The following EYS variants were observed in gnomAD, a reference collection of about 807,000 sequenced individuals.
The protein encoded by EYS is EGF-like photoreceptor maintenance factor.
Under a neutral mutation model 282.1 loss-of-function variants are expected in EYS, and 250 were observed. The ratio of observed to expected loss-of-function variants is 0.89; its 90% CI spans 0.80 to 0.98. EYS has a LOEUF of 0.98. EYS is among the 50% of genes least tolerant of loss of function. The probability of loss-of-function intolerance (pLI) is 0.00; values close to 1 mark genes in which losing one functional copy is unlikely to be tolerated. For synonymous variants in EYS, 1,355 were observed against 1,282.9 expected (o/e 1.06, Z -1.20); for missense variants, 4,016 against 3,709.0 (o/e 1.08, Z -2.15).
At chr6:64,542,703 T>C (rs1764727980) in intron 26 of EYS, among the ~76,000 whole-genome samples, 2 of 152,064 alleles carry the variant, frequency 1.3e-5, no homozygotes, top group South Asian at 2.1e-4. Context: ...TAATAATTAA[T>C]TGTCTGATGT....
At chr6:64,133,651 T>G in intron 31 of EYS, among the ~76,000 whole-genome samples, 1 of 152,048 alleles carries the variant, frequency 6.6e-6, no homozygotes, top group Non-Finnish European at 1.5e-5. Flanking sequence ...ATTTTTACCA[T>G]TATTCAATTA....
chr6:64,067,344 A>G (rs1057500841), intron 32 of EYS, among the ~76,000 whole-genome samples: 2 of 152,148 alleles, frequency 1.3e-5, no homozygotes, highest in African/African-American at 4.8e-5. Flanking sequence ...AATTAAGGAA[A>G]GGACCATCAT....
At chr6:65,618,372 T>G (rs918892991) in intron 2 of EYS, among the ~76,000 whole-genome samples, 1 of 152,276 alleles carries the variant, frequency 6.6e-6, no homozygotes, top group South Asian at 2.1e-4. Context: ...TGTCTGTTCA[T>G]GTCCTTCGCC....
chr6:64,839,273 T>G (rs911855490), intron 19 of EYS, among the ~76,000 whole-genome samples: 3 of 152,044 alleles, frequency 2.0e-5, no homozygotes, highest in Non-Finnish European at 4.4e-5. Flanking sequence ...AGTCATTAGA[T>G]AATTATCAAT....
At chr6:64,305,388 T>A (rs1474274023) in intron 30 of EYS, among the ~76,000 whole-genome samples, 1 of 152,046 alleles carries the variant, frequency 6.6e-6, no homozygotes, top group Non-Finnish European at 1.5e-5. Context: ...ATAATCCACT[T>A]AAAATTCCTG....
rs183889302 is a variant in EYS at position 64,816,126 on chromosome 6, C to A, written c.3244-2549G>T. Among the ~76,000 whole-genome samples, 144 of 152,074 alleles carry A rather than the reference C, an allele frequency of 9.5e-4. 1 individual carries two copies. Among genetic ancestry groups the A allele is most frequent in the African/African-American group, 3.1e-3 (127 of 41,522 alleles). ...GTGGAATACTTTCCTCAATTAAGATCTTGGAGAAAGGGAAACAGATACAGA... is the reference window on the plus strand; with the variant it reads ...GTGGAATACTTTCCTCAATTAAGATATTGGAGAAAGGGAAACAGATACAGA... On this transcript the variant is annotated intron_variant, in intron 21 of 42. Coordinates refer to ENST00000503581, the MANE Select transcript of EYS (RefSeq NM_001142800.2).
At chr6:65,564,798 G>A (rs866678260) in intron 2 of EYS, among the ~76,000 whole-genome samples, 3 of 152,002 alleles carry the variant, frequency 2.0e-5, no homozygotes, top group Non-Finnish European at 1.5e-5. Flanking sequence ...AAACTAAAGA[G>A]CTTCTGCACA....
intron 31 of EYS, among the ~76,000 whole-genome samples, chr6:64,210,778 G>A (rs1048944538): frequency 1.3e-5 from 2 of 152,122 alleles, no homozygotes; most frequent in African/African-American, 2.4e-5. Context: ...AGAGGAGATT[G>A]GTGTGTGAAT....
At chr6:64,082,617 C>T (rs1562191252) in intron 31 of EYS, among the ~76,000 whole-genome samples, 1 of 151,978 alleles carries the variant, frequency 6.6e-6, no homozygotes, top group Non-Finnish European at 1.5e-5. Flanking sequence ...AACTGTCACA[C>T]AGAGGAATTT....
At position 65,621,496 on chromosome 6, in the gene EYS, A is replaced by G. The variant is rs1766492732; in HGVS notation, c.-333+18282T>C. Among the ~76,000 whole-genome samples, 3 of 149,094 alleles carry G rather than the reference A, an allele frequency of 2.0e-5. 1 individual carries two copies. The South Asian group carries it at 6.5e-4, about 32-fold the overall frequency. Reference sequence around the variant, plus strand: ...GAATACAGCACACTGATGGGTCTTGACTCTTTATCCAATTTGCCAGTCTGT... The same window carrying G: ...GAATACAGCACACTGATGGGTCTTGGCTCTTTATCCAATTTGCCAGTCTGT... On this transcript the variant is annotated intron_variant, in intron 2 of 42. Transcript: ENST00000503581.
intron 14 of EYS, among the ~76,000 whole-genome samples, chr6:64,958,883 G>GGT: frequency 1.3e-5 from 2 of 151,766 alleles, no homozygotes; most frequent in Non-Finnish European, 2.9e-5. Flanking sequence ...AAACATTACA[G>GGT]TTAGACACAC....
intron 35 of EYS, among the ~76,000 whole-genome samples, chr6:63,967,969 T>C (rs746286555): frequency 5.3e-5 from 8 of 152,158 alleles, no homozygotes; most frequent in Non-Finnish European, 1.0e-4. Flanking sequence ...GCAGAGTAAG[T>C]TAAAAAAATC....
At chr6:63,773,860 T>G (rs1188237961) in intron 40 of EYS, among the ~76,000 whole-genome samples, 2 of 152,172 alleles carry the variant, frequency 1.3e-5, no homozygotes, top group Non-Finnish European at 2.9e-5. Flanking sequence ...TAGGGGTTTG[T>G]AAACCTCTAA....
At chr6:65,173,349 C>T (rs750122982) in intron 12 of EYS, among the ~76,000 whole-genome samples, 3 of 151,306 alleles carry the variant, frequency 2.0e-5, no homozygotes, top group Non-Finnish European at 4.4e-5. Flanking sequence ...CTTCTTGCTA[C>T]TTCACTGTAA....
chr6:65,555,696 T>A (rs1768773879), intron 2 of EYS, among the ~76,000 whole-genome samples: 1 of 152,178 alleles, frequency 6.6e-6, no homozygotes, highest in African/African-American at 2.4e-5. Context: ...TAACTGTTTC[T>A]TACTTTCGTA....
At chr6:64,318,651 A>C (rs1411731409) in intron 29 of EYS, among the ~76,000 whole-genome samples, 1 of 151,924 alleles carries the variant, frequency 6.6e-6, no homozygotes, top group Admixed American at 6.6e-5. Flanking sequence ...ATTAAGGAAC[A>C]ATTTTTTTGG....
intron 5 of EYS, among the ~76,000 whole-genome samples, chr6:65,459,222 A>G (rs934849564): frequency 1.2e-4 from 19 of 152,168 alleles, no homozygotes; most frequent in African/African-American, 4.3e-4. Flanking sequence ...TATATGAAAG[A>G]ATGAGAGAGA....
At chr6:64,325,507 C>A (rs968397317) in intron 29 of EYS, among the ~76,000 whole-genome samples, 12 of 152,130 alleles carry the variant, frequency 7.9e-5, no homozygotes, top group African/African-American at 2.7e-4. Context: ...AAACAAGGCT[C>A]TTTAACACCT....
At chr6:64,104,500 A>G (rs181745550) in intron 31 of EYS, among the ~76,000 whole-genome samples, 105 of 152,260 alleles carry the variant, frequency 6.9e-4, no homozygotes, top group African/African-American at 2.5e-3. Context: ...TTACTGCTTT[A>G]GTCATTAGCT....
Sources: allele counts gnomAD v4.1 joint callset (sites outside exome capture counted in the v4.1 genomes callset), GRCh38; gene constraint gnomAD v4.1.1; transcripts MANE v1.5; gene names NCBI Gene and HGNC (gene_info 2026-07-23, HGNC 2026-07-21).